The following ADSS2 variants were observed in gnomAD, a reference collection of about 807,000 sequenced individuals.
The protein encoded by ADSS2 is adenylosuccinate synthase 2.
ADSS2 carries 30 observed loss-of-function variants against 60.0 expected under a neutral mutation model. The ratio of observed to expected loss-of-function variants is 0.50; its 90% CI spans 0.37 to 0.68. The LOEUF (loss-of-function observed/expected upper bound fraction) is 0.68. Ranked by LOEUF, ADSS2 falls within the 30% of genes least tolerant of loss-of-function variation. The pLI, the probability that ADSS2 is intolerant of heterozygous loss-of-function variation, is 0.00. For missense variants in ADSS2, 373 were observed against 554.8 expected, an observed-to-expected ratio of 0.67 and a Z score of 3.29; for synonymous variants, 187 against 193.1, an observed-to-expected ratio of 0.97 and a Z score of 0.26.
At chr1:244,424,823 G>A (rs1334745980) in intron 4 of ADSS2, 1 of 155,522 alleles carries the variant, frequency 6.4e-6, no homozygotes, top group Admixed American at 6.4e-5. Context: ...TCCATTCTTA[G>A]ACATCTCTAA....
chr1:244,437,905 T>A, intron 1 of ADSS2, 137 bp from the exon 2 acceptor site: 2 of 671,554 alleles, frequency 3.0e-6, no homozygotes, highest in Non-Finnish European at 2.6e-6. Context: ...TCTACTCATT[T>A]GTAAAAGGCT....
intron 12 of ADSS2, among the ~76,000 whole-genome samples, chr1:244,410,633 C>G (rs187051666): frequency 6.6e-6 from 1 of 151,880 alleles, no homozygotes; most frequent in Non-Finnish European, 1.5e-5. Flanking sequence ...TTTAACCCCC[C>G]AAAAACACAC....
intron 3 of ADSS2, among the ~76,000 whole-genome samples, chr1:244,434,690 T>C (rs1004882091): frequency 1.3e-5 from 2 of 152,014 alleles, no homozygotes; most frequent in African/African-American, 2.4e-5. Flanking sequence ...AAGAGCAGGG[T>C]TGGATAGGCT....
In ADSS2 at chr1:244,444,935, C is replaced by T. The variant is rs573795055; in HGVS notation, c.183+6700G>A. Among the ~76,000 whole-genome samples the T allele has an allele frequency of 3.9e-5, 6 of 152,186 alleles. No homozygotes were observed. The East Asian group carries it at 1.2e-3, about 29-fold the overall frequency. On this transcript the variant is annotated intron_variant, in intron 1 of 12. Coordinates refer to ENST00000366535, the MANE Select transcript of ADSS2 (RefSeq NM_001126.5). ...TTATAGCTTTTGTATGCTCAGTCCC[C>T]CTCCTTTTCCCCTACTTTGCAAATC...
Position 244,416,067 on chromosome 1 carries a change from G to T in ADSS2, c.1082C>A (p.Thr361Asn), listed in dbSNP as rs1407987730. ...AAACATGTCCAAAATATCCAACTTG[G>T]TAAGTGCCAACCTAATTTTGGAAGA... ...MINGFTALALTKLDILDMFTE... is the reference protein window; with the variant it reads ...MINGFTALALNKLDILDMFTE... Residue 361 changes from threonine (T) to asparagine (N), a missense_variant, in exon 11 of 13, where the codon ACC becomes AAC. Physicochemically the swap from Thr to Asn is moderately conservative, Grantham distance 65. Coordinates refer to ENST00000366535, the MANE Select transcript of ADSS2 (RefSeq NM_001126.5). 1.2e-6 allele frequency: 2 copies of T among 1,612,974 alleles called. No homozygotes were observed. Among genetic ancestry groups the T allele is most frequent in the Non-Finnish European group, 1.7e-6 (2 of 1,179,478 alleles).
intron 7 of ADSS2, among the ~76,000 whole-genome samples, chr1:244,422,552 C>T (rs549805978): frequency 3.3e-5 from 5 of 152,312 alleles, no homozygotes; most frequent in African/African-American, 9.6e-5. Context: ...TTCAAAATTT[C>T]CTAGTAGCTT....
chr1:244,415,898 C>T lies in ADSS2; in HGVS notation c.1168+83G>A. 7.6e-6 allele frequency: 8 copies of T among 1,047,130 alleles called. No individual in the cohort carries two copies. In the South Asian group the frequency reaches 1.2e-4, roughly 16 times the overall value. The allele number at this position is 1,047,130 out of a possible 1,614,324, so 64.9% of individuals were successfully genotyped here. A position where few individuals can be genotyped will look rare whatever the true frequency, so the allele number is the denominator to read the frequency against. On this transcript the variant is annotated intron_variant, in intron 11 of 12. Coordinates refer to ENST00000366535, the MANE Select transcript of ADSS2 (RefSeq NM_001126.5). ...ATATCAAACCTGTCGCTATCTATCA[C>T]AAATTATATGGAAGAGCTTTATGAA...
chr1:244,427,459 C>T (rs981897488), intron 4 of ADSS2, among the ~76,000 whole-genome samples: 2 of 152,046 alleles, frequency 1.3e-5, no homozygotes, highest in South Asian at 4.1e-4. Flanking sequence ...GACATAAATC[C>T]AACCATAGTG....
In ADSS2 at chr1:244,409,357, C is replaced by A; in HGVS notation, c.*229G>T. On this transcript the variant is annotated 3_prime_UTR_variant, in exon 13 of 13. Transcript: ENST00000366535. ...AAAAAAAAACGTGGCACCATGAGAGCAGCAGGAGCAACAAATGATTTGGCA... is the reference window on the plus strand; with the variant it reads ...AAAAAAAAACGTGGCACCATGAGAGAAGCAGGAGCAACAAATGATTTGGCA... 2 of 415,902 alleles carry A rather than the reference C, an allele frequency of 4.8e-6. No homozygotes were observed. Among genetic ancestry groups the A allele is most frequent in the Non-Finnish European group, 8.5e-6 (2 of 234,720 alleles). 25.8% of individuals were successfully genotyped at this position (415,902 alleles called of 1,614,324 possible).
At chr1:244,411,229 AAAG>A in intron 12 of ADSS2, 55 bp downstream of exon 12, 2 of 1,539,326 alleles carry the variant, frequency 1.3e-6, no homozygotes, top group Non-Finnish European at 8.7e-7. Flanking sequence ...AAAAAAAAAA[AAAG>A]AAAAAAGAGA....
At chr1:244,427,692 T>C (rs1664839669) in intron 4 of ADSS2, among the ~76,000 whole-genome samples, 1 of 152,176 alleles carries the variant, frequency 6.6e-6, no homozygotes, top group Non-Finnish European at 1.5e-5. Context: ...TCAAAGTAGA[T>C]ATCAGAATAA....
intron 12 of ADSS2, 50 bp downstream of exon 12, chr1:244,411,237 A>AAG (rs750161874): frequency 1.4e-5 from 22 of 1,538,944 alleles, no homozygotes; most frequent in East Asian, 2.3e-5. Context: ...AAAAAGAAAA[A>AAG]AGAGAGAGAG....
chr1:244,441,221 G>T (rs940733103), intron 1 of ADSS2, among the ~76,000 whole-genome samples: 2 of 152,030 alleles, frequency 1.3e-5, no homozygotes, highest in Non-Finnish European at 1.5e-5. Context: ...GCCATGCCCG[G>T]CTAATTTTTT....
intron 3 of ADSS2, among the ~76,000 whole-genome samples, chr1:244,433,859 T>C (rs1336417813): frequency 1.1e-5 from 1 of 94,964 alleles, no homozygotes; most frequent in Admixed American, 1.4e-4. Flanking sequence ...ACTCCATCTT[T>C]AAAAAAAAAA....
At chr1:244,447,062 G>C (rs986104287) in intron 1 of ADSS2, among the ~76,000 whole-genome samples, 1 of 152,128 alleles carries the variant, frequency 6.6e-6, no homozygotes, top group Non-Finnish European at 1.5e-5. Context: ...AGCCAGATTA[G>C]CCACAGGAAC....
At chr1:244,443,721 G>A (rs900421850) in intron 1 of ADSS2, among the ~76,000 whole-genome samples, 1 of 152,168 alleles carries the variant, frequency 6.6e-6, no homozygotes, top group Non-Finnish European at 1.5e-5. Context: ...TTTTCAGTCC[G>A]CACAACACCC....
At chr1:244,444,286 C>T (rs936926698) in intron 1 of ADSS2, among the ~76,000 whole-genome samples, 8 of 151,402 alleles carry the variant, frequency 5.3e-5, no homozygotes, top group South Asian at 2.1e-4. Flanking sequence ...GAGGCCGAGG[C>T]GGGCGGATCA....
At chr1:244,409,746 T>C in intron 12 of ADSS2, 108 bp from the exon 13 acceptor site, 1 of 821,532 alleles carries the variant, frequency 1.2e-6, no homozygotes, top group Non-Finnish European at 2.0e-6. Context: ...CCATAACTTT[T>C]CCCTATGTGC....
intron 11 of ADSS2, among the ~76,000 whole-genome samples, chr1:244,413,145 C>A (rs1304365726): frequency 6.6e-6 from 1 of 152,128 alleles, no homozygotes; most frequent in African/African-American, 2.4e-5. Flanking sequence ...TCAAGGGGGG[C>A]AGCAGGTGGT....
Sources: gnomAD v4.1 joint callset for allele counts (sites outside exome capture counted in the v4.1 genomes callset) on GRCh38, gnomAD v4.1.1 for gene constraint, MANE v1.5 for transcripts, NCBI Gene and HGNC (gene_info 2026-07-23, HGNC 2026-07-21) for gene names.